Variants in ARPIN observed in about 807,000 individuals in gnomAD.
ARPIN encodes the protein UPF0552 protein C15orf38.
A neutral mutation model predicts 25.9 loss-of-function variants in ARPIN; 23 were observed. The observed-to-expected ratio is 0.89, with a 90% CI of 0.64 to 1.26. The LOEUF (loss-of-function observed/expected upper bound fraction) is 1.26. Among genes scored for constraint, ARPIN ranks in the 50% most tolerant of loss-of-function variants. The pLI is 0.00. For synonymous variants in ARPIN, 126 were observed against 131.4 expected, an observed-to-expected ratio of 0.96 and a Z score of 0.28; for missense variants, 333 against 312.2, an observed-to-expected ratio of 1.07 and a Z score of -0.50.
rs1596237810 is a variant in ARPIN, at chr15:89,910,955, C to T, written c.93-136G>A. 4 of 1,083,844 alleles carry T rather than the reference C, an allele frequency of 3.7e-6. No individual in the cohort carries two copies. The East Asian group carries it at 1.1e-4, about 29-fold the overall frequency. 67.1% of individuals were successfully genotyped at this position (1,083,844 alleles called of 1,614,324 possible). On this transcript the variant is annotated intron_variant, in intron 1 of 5. Coordinates refer to ENST00000357484, the MANE Select transcript of ARPIN (RefSeq NM_182616.4). ...TTCCCCGTGCTTCCGACATAGGGAT[C>T]TCCAAAGGGTCCCAAAGGCTGGGGC...
intron 1 of ARPIN, chr15:89,912,263 A>G: frequency 3.0e-6 from 3 of 991,134 alleles, no homozygotes; most frequent in Non-Finnish European, 3.6e-6. Flanking sequence ...CGGCCTCATA[A>G]CCCTGTGACG....
intron 1 of ARPIN, chr15:89,912,197 T>C (rs536478127): frequency 1.0e-6 from 1 of 985,980 alleles, no homozygotes; most frequent in Non-Finnish European, 1.2e-6. Flanking sequence ...TTTCTGTATC[T>C]GGCTTATTTC....
Position 89,898,434 on chromosome 15 carries a change from C to G in ARPIN, c.*3361G>C, listed in dbSNP as rs771176677. The stretch of plus-strand genomic sequence containing the variant: ...TCCCATGAAATGCTCCTCACAAAAA[C>G]GGGTTCTCTGACCAAAGAAATGTGG... On this transcript the variant is annotated 3_prime_UTR_variant, in exon 6 of 6. Coordinates refer to ENST00000357484, the MANE Select transcript of ARPIN (RefSeq NM_182616.4). The G allele has an allele frequency of 6.6e-6, 1 of 152,206 alleles. No individual in the cohort carries two copies. Among genetic ancestry groups the G allele is most frequent in the Non-Finnish European group, 1.5e-5 (1 of 68,050 alleles). 9.4% of individuals were successfully genotyped at this position (152,206 alleles called of 1,614,324 possible).
chr15:89,908,485 GC>G (rs1897166996), intron 2 of ARPIN, 73 bp from the exon 3 acceptor site: 1 of 1,587,582 alleles, frequency 6.3e-7, no homozygotes, highest in Non-Finnish European at 8.6e-7. Context: ...TCCGGCTGCA[GC>G]CCCGCCAACC....
intron 5 of ARPIN, chr15:89,902,859 C>T: frequency 8.4e-7 from 1 of 1,189,180 alleles, no homozygotes; most frequent in Non-Finnish European, 1.1e-6. Context: ...GGAGGAAAAA[C>T]TACGCATTCA....
intron 5 of ARPIN, among the ~76,000 whole-genome samples, chr15:89,902,400 C>T (rs1050773389): frequency 1.3e-5 from 2 of 151,162 alleles, no homozygotes; most frequent in African/African-American, 4.9e-5. Flanking sequence ...AAGAGTGAAA[C>T]TCCGTCTCAA....
chr15:89,897,104 C>T lies in ARPIN; in HGVS notation c.*4691G>A, dbSNP rs1231258363. On this transcript the variant is annotated 3_prime_UTR_variant, in exon 6 of 6. Coordinates refer to ENST00000357484, the MANE Select transcript of ARPIN (RefSeq NM_182616.4). The stretch of plus-strand genomic sequence containing the variant: ...ATATAATTTTCAACATTTTTGGAAA[C>T]ATTAATTCTGTTAGCCACACAGGGA... 6.6e-6 allele frequency: 1 copy of T among 152,182 alleles called. No homozygotes were observed. The highest frequency in any genetic ancestry group is 2.4e-5 in the African/African-American group (1 of 41,450). 9.4% of individuals were successfully genotyped at this position (152,182 alleles called of 1,614,324 possible).
At chr15:89,909,028 G>T (rs28670758) in intron 2 of ARPIN, among the ~76,000 whole-genome samples, 13,827 of 152,088 alleles carry the variant, frequency 0.091, 717 homozygotes, top group East Asian at 0.2. Flanking sequence ...CAAGCCCGAG[G>T]ACCGCAAATA....
chr15:89,903,408 T>A, intron 4 of ARPIN, 29 bp from the exon 5 acceptor site: 1 of 1,613,488 alleles, frequency 6.2e-7, no homozygotes, highest in East Asian at 2.2e-5. Context: ...TTGAATGTCC[T>A]CTGTCCCTGT....
In ARPIN at chr15:89,898,380, C is replaced by G. The variant is rs1220886623; in HGVS notation, c.*3415G>C. 2 of 152,124 alleles carry G rather than the reference C, an allele frequency of 1.3e-5. No homozygotes were observed. Among genetic ancestry groups the G allele is most frequent in the Non-Finnish European group, 1.5e-5 (1 of 68,042 alleles). The allele number at this position is 152,124 out of a possible 1,614,324, so 9.4% of individuals were successfully genotyped here. On this transcript the variant is annotated 3_prime_UTR_variant, in exon 6 of 6. Coordinates refer to ENST00000357484, the MANE Select transcript of ARPIN (RefSeq NM_182616.4). ...AGCCCCTCCATGGGACCAACACAGC[C>G]CTTCCCAAACTGTTTCTCACAACAG...
chr15:89,897,845 T>C lies in ARPIN; in HGVS notation c.*3950A>G, dbSNP rs1254909017. On this transcript the variant is annotated 3_prime_UTR_variant, in exon 6 of 6. Coordinates refer to ENST00000357484, the MANE Select transcript of ARPIN (RefSeq NM_182616.4). ...CCGGCACTGTGGCTCATGCCTGTAA[T>C]CCCAGCACTTTGGGAGGCTGAGGAG... The C allele has an allele frequency of 6.6e-6, 1 of 152,170 alleles. No homozygotes were observed. Among genetic ancestry groups the C allele is most frequent in the Non-Finnish European group, 1.5e-5 (1 of 68,040 alleles). 9.4% of individuals were successfully genotyped at this position (152,170 alleles called of 1,614,324 possible). A position where few individuals can be genotyped will look rare whatever the true frequency, so the allele number is the denominator to read the frequency against.
chr15:89,910,273 T>C (rs867978425), intron 2 of ARPIN, among the ~76,000 whole-genome samples: 3 of 151,804 alleles, frequency 2.0e-5, no homozygotes, highest in Middle Eastern at 3.2e-3. Flanking sequence ...GAGTGGAAAG[T>C]CGGAACTAGC....
intron 1 of ARPIN, among the ~76,000 whole-genome samples, chr15:89,911,254 A>G (rs1897218200): frequency 6.6e-6 from 1 of 152,124 alleles, no homozygotes; most frequent in Admixed American, 6.5e-5. Context: ...GCAATAAACT[A>G]TTTTCCCTTT....
intron 4 of ARPIN, 35 bp from the exon 5 acceptor site, chr15:89,903,414 C>T (rs1296550827): frequency 6.2e-7 from 1 of 1,612,824 alleles, no homozygotes; most frequent in Admixed American, 1.7e-5. Flanking sequence ...GTCCTCTGTC[C>T]CTGTGGCAGA....
intron 3 of ARPIN, among the ~76,000 whole-genome samples, chr15:89,906,292 G>A (rs1301210682): frequency 3.3e-5 from 5 of 152,040 alleles, no homozygotes; most frequent in Admixed American, 6.6e-5. Flanking sequence ...CTGCACCCTT[G>A]GTTAGAGTTG....
chr15:89,909,245 G>A (rs1897182221), intron 2 of ARPIN, among the ~76,000 whole-genome samples: 1 of 152,170 alleles, frequency 6.6e-6, no homozygotes, highest in Non-Finnish European at 1.5e-5. Context: ...TGCCAAGCGT[G>A]AACTGTGCTA....
chr15:89,903,556 C>T (rs1054496833), intron 4 of ARPIN, among the ~76,000 whole-genome samples, 177 bp from the exon 5 acceptor site: 1 of 152,216 alleles, frequency 6.6e-6, no homozygotes, highest in Non-Finnish European at 1.5e-5. Context: ...GAGTCGCTCA[C>T]AGGAACCATG....
At position 89,901,594 on chromosome 15, in the gene ARPIN, G is replaced by A; in HGVS notation, c.*201C>T. The A allele has an allele frequency of 3.2e-6, 2 of 621,946 alleles. No individual in the cohort carries two copies. The highest frequency in any genetic ancestry group is 2.0e-5 in the South Asian group (1 of 51,074). 38.5% of individuals were successfully genotyped at this position (621,946 alleles called of 1,614,324 possible). ...AGGGAGGGGCCCTCCCTGAGCCACA[G>A]CATGAGGCCCCACCACCAACACAGT... On this transcript the variant is annotated 3_prime_UTR_variant, in exon 6 of 6. Coordinates refer to ENST00000357484, the MANE Select transcript of ARPIN (RefSeq NM_182616.4).
At chr15:89,911,150 T>G (rs1897215925) in intron 1 of ARPIN, among the ~76,000 whole-genome samples, 2 of 152,238 alleles carry the variant, frequency 1.3e-5, no homozygotes, top group African/African-American at 4.8e-5. Context: ...CAAGATCATG[T>G]GTGTGAAGGT....
Sources: gnomAD v4.1 joint callset for allele counts (sites outside exome capture counted in the v4.1 genomes callset) on GRCh38, gnomAD v4.1.1 for gene constraint, MANE v1.5 for transcripts, NCBI Gene and HGNC (gene_info 2026-07-23, HGNC 2026-07-21) for gene names.